MAST2: variants seen among roughly 807,000 people sequenced by gnomAD.
MAST2 encodes microtubule associated serine/threonine kinase 2, also known as microtubule-associated serine/threonine-protein kinase 2.
In MAST2, 70 loss-of-function variants were observed where a neutral mutation model predicts 147.4. That is an observed-to-expected ratio of 0.47 (90% confidence interval 0.39 to 0.58). The LOEUF is 0.58. Ranked by LOEUF, MAST2 falls within the 20% of genes least tolerant of loss-of-function variation. The pLI, the probability that MAST2 is intolerant of heterozygous loss-of-function variation, is 0.00. For missense variants in MAST2, 2,080 were observed against 2,302.3 expected (o/e 0.90, Z 1.98); for synonymous variants, 869 against 896.8 (o/e 0.97, Z 0.55).
rs1193246183 is a variant in MAST2 at position 46,033,852 on chromosome 1, T to A, written c.3588T>A (p.Ile1196=). The A allele has an allele frequency of 6.8e-6, 11 of 1,613,888 alleles. 1 individual carries two copies. The Middle Eastern group carries it at 4.9e-4, about 72-fold the overall frequency. ...CAACTCCCCTGGAGAACACATCCAT[T>A]AAAGTGGGGCCAGCTCGGAAGGGCA... ...ISTTPLENTS[I]KVGPARKGSY... is the part of the protein sequence containing the mutation. The change falls in exon 27 of 29, where the codon ATT becomes ATA. Residue 1196 remains isoleucine, a synonymous_variant. Coordinates refer to ENST00000361297, the MANE Select transcript of MAST2 (RefSeq NM_015112.3).
intron 5 of MAST2, among the ~76,000 whole-genome samples, chr1:45,982,441 G>A (rs572197578): frequency 7.2e-4 from 109 of 152,306 alleles, no homozygotes; most frequent in Middle Eastern, 6.8e-3. Flanking sequence ...CCGGGAGATT[G>A]AGTTCAGTCA....
chr1:45,927,259 G>T (rs1041333410), intron 4 of MAST2, among the ~76,000 whole-genome samples: 2 of 152,126 alleles, frequency 1.3e-5, no homozygotes, highest in Non-Finnish European at 2.9e-5. Flanking sequence ...ATGAAATTTC[G>T]GGCACTATTG....
chr1:45,974,362 C>T (rs1389208203), intron 5 of MAST2, among the ~76,000 whole-genome samples: 1 of 152,146 alleles, frequency 6.6e-6, no homozygotes, highest in Non-Finnish European at 1.5e-5. Context: ...TTCAGGAGGC[C>T]AAGGCGGGAG....
In MAST2 at chr1:46,036,006, G is replaced by A. The variant is rs1369832220; in HGVS notation, c.5337G>A (p.Gly1779=). The part of the protein sequence containing the change: ...EPSLRRGQEP[G]GHQKHRDLAL... The stretch of plus-strand genomic sequence containing the variant: ...GCCTCAGGAGGGGCCAAGAACCAGG[G>A]GGCCATCAAAAGCATCGGGATTTGG... The change falls in exon 29 of 29, where the codon GGG becomes GGA. Residue 1779 remains glycine (G), a synonymous_variant. Coordinates refer to ENST00000361297, the MANE Select transcript of MAST2 (RefSeq NM_015112.3). The A allele has an allele frequency of 5.0e-6, 8 of 1,613,354 alleles. No individual in the cohort carries two copies. The highest frequency in any genetic ancestry group is 6.8e-6 in the Non-Finnish European group (8 of 1,179,944).
At chr1:45,847,573 C>T in intron 3 of MAST2, 1 of 796,554 alleles carries the variant, frequency 1.3e-6, no homozygotes, top group Non-Finnish European at 2.0e-6. Flanking sequence ...ACTTTTTTTC[C>T]CATCCTGCAC....
intron 3 of MAST2, among the ~76,000 whole-genome samples, chr1:45,836,573 T>C (rs1340354286): frequency 6.6e-6 from 1 of 152,180 alleles, no homozygotes; most frequent in Non-Finnish European, 1.5e-5. Flanking sequence ...ACTTCAGTAT[T>C]ATAAAGAGAT....
At chr1:46,022,248 C>G (rs1646219469) in intron 12 of MAST2, among the ~76,000 whole-genome samples, 166 bp downstream of exon 12, 1 of 152,218 alleles carries the variant, frequency 6.6e-6, no homozygotes. Context: ...ACAAAACAGT[C>G]TTTACTTTGG....
intron 16 of MAST2, among the ~76,000 whole-genome samples, chr1:46,026,674 A>G (rs1025996118): frequency 6.6e-6 from 1 of 152,064 alleles, no homozygotes; most frequent in Non-Finnish European, 1.5e-5. Flanking sequence ...AGTGTGGGGA[A>G]GTATAAAGGA....
chr1:45,996,546 C>CA (rs1645065624), intron 5 of MAST2, among the ~76,000 whole-genome samples: 1 of 151,972 alleles, frequency 6.6e-6, no homozygotes, highest in Non-Finnish European at 1.5e-5. Context: ...AGAGTTCATG[C>CA]AATGTTGAGA....
At chr1:45,894,454 C>A (rs1444149884) in intron 4 of MAST2, among the ~76,000 whole-genome samples, 1 of 151,820 alleles carries the variant, frequency 6.6e-6, no homozygotes, top group African/African-American at 2.4e-5. Flanking sequence ...TATGAGGAGC[C>A]CTATGCTTGC....
At chr1:45,950,228 A>G (rs566794285) in intron 4 of MAST2, among the ~76,000 whole-genome samples, 2 of 152,208 alleles carry the variant, frequency 1.3e-5, no homozygotes, top group East Asian at 3.9e-4. Flanking sequence ...AATAATAATA[A>G]CAGTGGGAGC....
rs763410688 is a variant in MAST2, at chr1:46,029,813, T to C, written c.2321-18T>C. On this transcript the variant is annotated intron_variant, in intron 19 of 28. Transcript: ENST00000361297. The stretch of plus-strand genomic sequence containing the variant: ...GCTGCTCATCCTACCCCCTTGCCCA[T>C]GTCCTCCCTGTCCACAGGCAGTGCC... 6 of 1,613,562 alleles carry C rather than the reference T, an allele frequency of 3.7e-6. No homozygotes were observed. The Admixed American group carries it at 6.7e-5, about 18-fold the overall frequency.
intron 4 of MAST2, among the ~76,000 whole-genome samples, chr1:45,952,154 C>G (rs1659020019): frequency 6.6e-6 from 1 of 152,076 alleles, no homozygotes; most frequent in South Asian, 2.1e-4. Flanking sequence ...CTATGATAAC[C>G]AAAAAGTAGT....
chr1:46,004,445 T>C (rs78909551), intron 7 of MAST2, among the ~76,000 whole-genome samples: 1 of 152,058 alleles, frequency 6.6e-6, no homozygotes, highest in African/African-American at 2.4e-5. Context: ...GTAAGTCTCA[T>C]CTGCAAATTT....
In MAST2 at chr1:45,882,012, TAAAAAAAAAAAAAA is replaced by T. The variant is rs71062722; in HGVS notation, c.469-335_469-322del. On this transcript the variant is annotated intron_variant, in intron 3 of 28. Coordinates refer to ENST00000361297, the MANE Select transcript of MAST2 (RefSeq NM_015112.3). Reference sequence around the variant, plus strand: ...TAACACGGTGAAACCCCGTCTCTACTAAAAAAAAAAAAAAAAAAAAAAAAAAAAAATTAGCCAGG... The same window carrying T: ...TAACACGGTGAAACCCCGTCTCTACTAAAAAAAAAAAAAAAATTAGCCAGG... 8.5e-4 allele frequency among the ~76,000 whole-genome samples: 34 copies of T among 39,832 alleles called. 1 individual carries two copies. Among genetic ancestry groups the T allele is most frequent in the African/African-American group, 2.0e-3 (25 of 12,784 alleles). 26.1% of individuals were successfully genotyped at this position (39,832 alleles called of 152,430 possible).
At chr1:45,895,516 ATTACCACTTCAGAT>A (rs1431887494) in intron 4 of MAST2, among the ~76,000 whole-genome samples, 2 of 152,226 alleles carry the variant, frequency 1.3e-5, no homozygotes, top group African/African-American at 4.8e-5. Flanking sequence ...CCAACTTCAG[ATTACCACTTCAGAT>A]TTACCTGTGG....
intron 3 of MAST2, among the ~76,000 whole-genome samples, chr1:45,848,009 C>G (rs1244325220): frequency 2.0e-5 from 3 of 152,240 alleles, no homozygotes; most frequent in Middle Eastern, 3.4e-3. Context: ...TTTACTAGAC[C>G]CTATTCCTAG....
At chr1:46,003,075 C>T (rs564490697) in intron 7 of MAST2, among the ~76,000 whole-genome samples, 192 bp downstream of exon 7, 38 of 152,276 alleles carry the variant, frequency 2.5e-4, no homozygotes, top group African/African-American at 8.4e-4. Context: ...TAAGTGCCTT[C>T]GGAAAGGATG....
At chr1:45,922,593 G>C (rs747235786) in intron 4 of MAST2, among the ~76,000 whole-genome samples, 6 of 152,232 alleles carry the variant, frequency 3.9e-5, no homozygotes, top group Non-Finnish European at 7.3e-5. Flanking sequence ...CGAGGTTGGA[G>C]TAGGCACTGA....
Sources: gnomAD v4.1 joint callset for allele counts (sites outside exome capture counted in the v4.1 genomes callset) on GRCh38, gnomAD v4.1.1 for gene constraint, MANE v1.5 for transcripts, NCBI Gene and HGNC (gene_info 2026-07-23, HGNC 2026-07-21) for gene names.